Variants in SCHIP1 observed in about 807,000 individuals in gnomAD.
The protein encoded by SCHIP1 is schwannomin-interacting protein 1.
A neutral mutation model predicts 29.7 loss-of-function variants in SCHIP1; 8 were observed. The ratio of observed to expected loss-of-function variants is 0.27; its 90% CI spans 0.16 to 0.49. The LOEUF (loss-of-function observed/expected upper bound fraction) is 0.49. Among genes scored for constraint, SCHIP1 ranks in the 20% least tolerant of loss-of-function variants. SCHIP1 has a pLI of 0.99. For missense variants in SCHIP1, 193 were observed against 294.6 expected, an observed-to-expected ratio of 0.66 and a Z score of 2.52; for synonymous variants, 76 against 94.9, an observed-to-expected ratio of 0.80 and a Z score of 1.16.
chr3:159,597,642 A>G, the SCHIP1 span, among the ~76,000 whole-genome samples: 1 of 152,188 alleles, frequency 6.6e-6, no homozygotes, highest in Non-Finnish European at 1.5e-5. Flanking sequence ...ATAATATTCC[A>G]TTGTGTATAT....
the SCHIP1 span, among the ~76,000 whole-genome samples, chr3:159,608,865 C>T: frequency 6.6e-6 from 1 of 152,166 alleles, no homozygotes; most frequent in Admixed American, 6.5e-5. Flanking sequence ...ATAAAGTCTC[C>T]TTGTTTCTTC....
chr3:159,721,861 G>A, the SCHIP1 span: 1 of 405,732 alleles, frequency 2.5e-6, no homozygotes, highest in South Asian at 2.0e-5. Flanking sequence ...TCCACCTTGG[G>A]GATGCCACTC....
At chr3:159,392,628 C>A in the SCHIP1 span, among the ~76,000 whole-genome samples, 1 of 151,984 alleles carries the variant, frequency 6.6e-6, no homozygotes, top group African/African-American at 2.4e-5. Context: ...CATGTCCCTA[C>A]AAAGGACATG....
At chr3:159,444,882 T>C in the SCHIP1 span, among the ~76,000 whole-genome samples, 2 of 152,172 alleles carry the variant, frequency 1.3e-5, no homozygotes, top group Non-Finnish European at 2.9e-5. Flanking sequence ...CAATTTAACC[T>C]GATGTTGAGG....
At chr3:159,488,003 G>T in the SCHIP1 span, among the ~76,000 whole-genome samples, 1 of 152,112 alleles carries the variant, frequency 6.6e-6, no homozygotes. Context: ...TTTCCTGGGG[G>T]CAGGAATTGT....
the SCHIP1 span, among the ~76,000 whole-genome samples, chr3:159,335,524 G>A: frequency 2.0e-5 from 3 of 151,916 alleles, no homozygotes; most frequent in Non-Finnish European, 4.4e-5. Context: ...CCCTGGTGTG[G>A]GATGTTCCCC....
chr3:159,323,856 T>C, the SCHIP1 span, among the ~76,000 whole-genome samples: 1 of 152,170 alleles, frequency 6.6e-6, no homozygotes, highest in African/African-American at 2.4e-5. Context: ...ATCGGTGAGC[T>C]AACTAGAAGT....
chr3:159,529,878 T>A, the SCHIP1 span, among the ~76,000 whole-genome samples: 1 of 152,200 alleles, frequency 6.6e-6, no homozygotes, highest in South Asian at 2.1e-4. Flanking sequence ...GTGCCTGACT[T>A]GTTTCACTTA....
At chr3:159,772,182 G>A in the SCHIP1 span, among the ~76,000 whole-genome samples, 3 of 151,954 alleles carry the variant, frequency 2.0e-5, no homozygotes, top group Non-Finnish European at 4.4e-5. Context: ...AGACAGTCTC[G>A]CTCTGTCGCC....
chr3:159,859,912 C>T (rs1258753770), intron 1 of SCHIP1, among the ~76,000 whole-genome samples: 1 of 152,158 alleles, frequency 6.6e-6, no homozygotes, highest in Non-Finnish European at 1.5e-5. Flanking sequence ...ACAAGCCCTC[C>T]AGGTAATCCT....
the SCHIP1 span, among the ~76,000 whole-genome samples, chr3:159,695,779 T>G: frequency 6.6e-6 from 1 of 152,180 alleles, no homozygotes; most frequent in Non-Finnish European, 1.5e-5. Context: ...ATTTTCCCCC[T>G]AAGCCAGCCT....
At chr3:159,391,871 T>C in the SCHIP1 span, among the ~76,000 whole-genome samples, 1 of 152,318 alleles carries the variant, frequency 6.6e-6, no homozygotes, top group Non-Finnish European at 1.5e-5. Flanking sequence ...ACACAGCAAG[T>C]TAATGGCATA....
At chr3:159,593,623 T>A in the SCHIP1 span, among the ~76,000 whole-genome samples, 1 of 152,032 alleles carries the variant, frequency 6.6e-6, no homozygotes, top group African/African-American at 2.4e-5. Context: ...GCTGACCCAA[T>A]GTAAAGCAAA....
chr3:159,310,054 C>CT, the SCHIP1 span, among the ~76,000 whole-genome samples: 2 of 152,172 alleles, frequency 1.3e-5, no homozygotes, highest in Non-Finnish European at 2.9e-5. Flanking sequence ...AGGCTTGTCA[C>CT]TACCTGCTCA....
At chr3:159,673,545 G>A in the SCHIP1 span, among the ~76,000 whole-genome samples, 3 of 152,162 alleles carry the variant, frequency 2.0e-5, no homozygotes, top group Admixed American at 6.5e-5. Flanking sequence ...ACAGGTTCCT[G>A]GAGGAAAGAA....
chr3:159,658,934 A>T, the SCHIP1 span, among the ~76,000 whole-genome samples: 1 of 152,296 alleles, frequency 6.6e-6, no homozygotes, highest in East Asian at 1.9e-4. Flanking sequence ...CATCTAATCC[A>T]ACAAACGTTT....
the SCHIP1 span, among the ~76,000 whole-genome samples, chr3:159,373,067 G>A: frequency 6.6e-6 from 1 of 151,342 alleles, no homozygotes; most frequent in Non-Finnish European, 1.5e-5. Context: ...CTGAAAAAAG[G>A]GTATTTTATT....
the SCHIP1 span, among the ~76,000 whole-genome samples, chr3:159,538,487 C>T: frequency 6.6e-6 from 1 of 152,200 alleles, no homozygotes; most frequent in Non-Finnish European, 1.5e-5. Context: ...TTTTTCTTTT[C>T]CTAAACACTT....
chr3:159,568,434 A>G, the SCHIP1 span, among the ~76,000 whole-genome samples: 1 of 151,996 alleles, frequency 6.6e-6, no homozygotes, highest in East Asian at 1.9e-4. Flanking sequence ...TATATTTCAC[A>G]AACTTAATAA....
Sources: allele counts gnomAD v4.1 joint callset (sites outside exome capture counted in the v4.1 genomes callset), GRCh38; gene constraint gnomAD v4.1.1; transcripts MANE v1.5; gene names NCBI Gene and HGNC (gene_info 2026-07-23, HGNC 2026-07-21).